The following HORMAD2 variants were observed in gnomAD, a reference collection of about 807,000 sequenced individuals.
The protein encoded by HORMAD2 is HORMA domain containing 2, also known as HORMA domain-containing protein 2.
HORMAD2 carries 45 observed loss-of-function variants against 38.8 expected under a neutral mutation model. The ratio of observed to expected loss-of-function variants is 1.16; its 90% CI spans 0.91 to 1.49. The LOEUF is 1.49. Among genes scored for constraint, HORMAD2 ranks in the 40% most tolerant of loss-of-function variants. The pLI, the probability that HORMAD2 is intolerant of heterozygous loss-of-function variation, is 0.00. For missense variants in HORMAD2, 338 were observed against 367.0 expected, an observed-to-expected ratio of 0.92 and a Z score of 0.65; for synonymous variants, 126 against 122.8, an observed-to-expected ratio of 1.03 and a Z score of -0.17.
intron 10 of HORMAD2, among the ~76,000 whole-genome samples, chr22:30,135,042 A>G (rs116152204): frequency 2.7e-4 from 41 of 152,240 alleles, no homozygotes; most frequent in African/African-American, 9.4e-4. Context: ...TTGCCCAACT[A>G]GAGAGCATCA....
At chr22:30,192,063 G>C in the HORMAD2 span, 1 of 152,214 alleles carries the variant, frequency 6.6e-6, no homozygotes, top group African/African-American at 2.4e-5. Context: ...ATTGGCCAAA[G>C]TTTGAATGAG....
intron 10 of HORMAD2, among the ~76,000 whole-genome samples, chr22:30,139,286 A>ATATATATATATATATATATC (rs1491312488): frequency 7.7e-6 from 1 of 130,540 alleles, no homozygotes; most frequent in African/African-American, 2.8e-5. Flanking sequence ...ATATATATAT[A>ATATATATATATATATATATC]TCCTCTGTCT....
chr22:30,205,945 G>A, the HORMAD2 span, among the ~76,000 whole-genome samples: 3 of 152,090 alleles, frequency 2.0e-5, no homozygotes, highest in Admixed American at 6.5e-5. Flanking sequence ...CCTGTGGGAC[G>A]AAGCAAGGGA....
chr22:30,146,439 G>A (rs1924423158), intron 10 of HORMAD2, among the ~76,000 whole-genome samples: 1 of 152,128 alleles, frequency 6.6e-6, no homozygotes, highest in Admixed American at 6.5e-5. Flanking sequence ...AGGTTGCAGT[G>A]AGCCGAGATC....
chr22:30,133,476 T>TAA (rs71701987), intron 10 of HORMAD2, among the ~76,000 whole-genome samples: 7 of 147,780 alleles, frequency 4.7e-5, no homozygotes, highest in South Asian at 2.1e-4. Context: ...CATATATATA[T>TAA]AATATATTTA....
At chr22:30,105,621 C>A (rs1032151459) in intron 5 of HORMAD2, among the ~76,000 whole-genome samples, 6 of 152,196 alleles carry the variant, frequency 3.9e-5, no homozygotes, top group African/African-American at 1.4e-4. Context: ...TTATTCAACA[C>A]TGACCAGAGG....
At chr22:30,157,788 A>G (rs1266238159) in intron 10 of HORMAD2, among the ~76,000 whole-genome samples, 1 of 152,196 alleles carries the variant, frequency 6.6e-6, no homozygotes, top group Non-Finnish European at 1.5e-5. Context: ...CTTGTCACTC[A>G]GAGATCCCTT....
At chr22:30,164,319 G>A (rs183439381) in intron 10 of HORMAD2, among the ~76,000 whole-genome samples, 1 of 152,316 alleles carries the variant, frequency 6.6e-6, no homozygotes, top group East Asian at 1.9e-4. Context: ...GTACCCAGCA[G>A]TGGAATTGCT....
intron 10 of HORMAD2, among the ~76,000 whole-genome samples, chr22:30,125,211 C>CTTTTTTTTTTTTTTTTTTTTT (rs1569099734): frequency 4.3e-5 from 2 of 46,590 alleles, no homozygotes; most frequent in South Asian, 9.4e-4. Flanking sequence ...CTTTCTTTTT[C>CTTTTTTTTTTTTTTTTTTTTT]TTTTCTTTTT....
At chr22:30,184,235 T>G in the HORMAD2 span, among the ~76,000 whole-genome samples, 1 of 152,234 alleles carries the variant, frequency 6.6e-6, no homozygotes, top group African/African-American at 2.4e-5. Context: ...AGGAATTAAT[T>G]ACATTACATG....
chr22:30,083,803 A>G (rs892444990), intron 1 of HORMAD2, among the ~76,000 whole-genome samples: 3 of 152,182 alleles, frequency 2.0e-5, no homozygotes, highest in Non-Finnish European at 4.4e-5. Context: ...AAGTTTCACC[A>G]TGTTTTTTGA....
chr22:30,122,950 C>T (rs1273492327), intron 10 of HORMAD2, among the ~76,000 whole-genome samples: 3 of 152,106 alleles, frequency 2.0e-5, no homozygotes, highest in African/African-American at 7.2e-5. Flanking sequence ...GGAAGGGATG[C>T]TATAAGATCT....
intron 10 of HORMAD2, among the ~76,000 whole-genome samples, chr22:30,142,481 A>T (rs529764471): frequency 6.6e-6 from 1 of 152,072 alleles, no homozygotes; most frequent in African/African-American, 2.4e-5. Flanking sequence ...GTCTGACGCT[A>T]TTATTGTTGA....
intron 10 of HORMAD2, among the ~76,000 whole-genome samples, chr22:30,171,711 A>T (rs772141006): frequency 1.3e-5 from 2 of 152,170 alleles, no homozygotes; most frequent in South Asian, 4.1e-4. Context: ...TAACCAAGAC[A>T]TGTATGTTCC....
downstream of HORMAD2, among the ~76,000 whole-genome samples, chr22:30,177,868 T>C (rs1926548376): frequency 1.3e-5 from 2 of 152,096 alleles, no homozygotes; most frequent in South Asian, 4.1e-4. Context: ...TTTGTAGAGA[T>C]GGGGGTTCGC....
At chr22:30,096,766 G>C (rs943290923) in intron 2 of HORMAD2, among the ~76,000 whole-genome samples, 1 of 151,982 alleles carries the variant, frequency 6.6e-6, no homozygotes, top group African/African-American at 2.4e-5. Context: ...ACCACCCCTG[G>C]CCTCCTTGTG....
chr22:30,111,942 T>A, intron 6 of HORMAD2, 126 bp downstream of exon 6: 1 of 635,300 alleles, frequency 1.6e-6, no homozygotes. Context: ...GTCTTGGAAT[T>A]AAAAACATAG....
At chr22:30,151,100 G>A (rs562860248) in intron 10 of HORMAD2, among the ~76,000 whole-genome samples, 71 of 152,258 alleles carry the variant, frequency 4.7e-4, no homozygotes, top group Admixed American at 1.5e-3. Context: ...GCATTTGACT[G>A]GTCCTCGGTT....
intron 7 of HORMAD2, among the ~76,000 whole-genome samples, chr22:30,115,018 A>G (rs937649896): frequency 6.6e-6 from 1 of 152,246 alleles, no homozygotes; most frequent in African/African-American, 2.4e-5. Flanking sequence ...CTTAATGCAT[A>G]TAAGACCATA....
Sources: gnomAD v4.1 joint callset for allele counts (sites outside exome capture counted in the v4.1 genomes callset) on GRCh38, gnomAD v4.1.1 for gene constraint, MANE v1.5 for transcripts, NCBI Gene and HGNC (gene_info 2026-07-23, HGNC 2026-07-21) for gene names.